EBPL: variants seen among roughly 807,000 people sequenced by gnomAD.
EBPL encodes the protein EBP like, also known as emopamil-binding protein-like.
Under a neutral mutation model 19.0 loss-of-function variants are expected in EBPL, and 20 were observed. The observed-to-expected ratio is 1.05, with a 90% CI of 0.74 to 1.53. EBPL has a LOEUF of 1.53. EBPL is among the 40% of genes most tolerant of loss of function. The pLI is 0.00. For synonymous variants in EBPL, 107 were observed against 117.0 expected (o/e 0.91, Z 0.55); for missense variants, 219 against 261.1 (o/e 0.84, Z 1.11).
chr13:49,675,892 A>G (rs1208226465), intron 1 of EBPL, among the ~76,000 whole-genome samples: 3 of 121,532 alleles, frequency 2.5e-5, no homozygotes, highest in African/African-American at 8.3e-5. Flanking sequence ...TTTTTTTTTT[A>G]ATAGTACTCA....
At chr13:49,663,730 G>T (rs898736375) in intron 2 of EBPL, among the ~76,000 whole-genome samples, 2 of 151,404 alleles carry the variant, frequency 1.3e-5, no homozygotes, top group African/African-American at 4.9e-5. Context: ...GAGGTCAGGA[G>T]ATCGAGACCA....
intron 1 of EBPL, among the ~76,000 whole-genome samples, chr13:49,677,131 T>G (rs1300276989): frequency 6.6e-6 from 1 of 152,220 alleles, no homozygotes; most frequent in Non-Finnish European, 1.5e-5. Flanking sequence ...ATGAGGACAC[T>G]GCCCTTGTGT....
intron 2 of EBPL, among the ~76,000 whole-genome samples, chr13:49,664,388 G>A (rs913712203): frequency 1.3e-5 from 2 of 152,124 alleles, no homozygotes; most frequent in African/African-American, 4.8e-5. Context: ...ACAGGGACAG[G>A]GAACTCACAA....
chr13:49,683,455 CG>C (rs1377702130), intron 1 of EBPL, among the ~76,000 whole-genome samples: 1 of 151,592 alleles, frequency 6.6e-6, no homozygotes, highest in Admixed American at 6.6e-5. Flanking sequence ...GGTGTGAACC[CG>C]GGAGGCGGAG....
At chr13:49,663,467 C>G (rs1485086464) in intron 2 of EBPL, among the ~76,000 whole-genome samples, 2 of 152,162 alleles carry the variant, frequency 1.3e-5, no homozygotes, top group African/African-American at 4.8e-5. Context: ...CAGCCCCACC[C>G]TCTTCAACAT....
At chr13:49,680,840 AAAAC>A (rs1953934780) in intron 1 of EBPL, among the ~76,000 whole-genome samples, 2 of 152,230 alleles carry the variant, frequency 1.3e-5, no homozygotes, top group African/African-American at 4.8e-5. Context: ...AACAAAATAC[AAAAC>A]AAACAAAAAA....
intron 1 of EBPL, among the ~76,000 whole-genome samples, chr13:49,690,129 A>G (rs919633080): frequency 6.6e-6 from 1 of 150,802 alleles, no homozygotes; most frequent in East Asian, 1.9e-4. Flanking sequence ...CAGCCTGGGC[A>G]ACAGTGTTAG....
At chr13:49,669,033 C>T (rs1469311996) in intron 2 of EBPL, among the ~76,000 whole-genome samples, 2 of 151,884 alleles carry the variant, frequency 1.3e-5, no homozygotes, top group Non-Finnish European at 2.9e-5. Flanking sequence ...GGGCCCGCCA[C>T]CACGCCCAGC....
intron 3 of EBPL, among the ~76,000 whole-genome samples, chr13:49,662,694 G>A (rs1485505182): frequency 1.3e-5 from 2 of 151,360 alleles, no homozygotes; most frequent in African/African-American, 2.4e-5. Context: ...GTGCAGTGGC[G>A]TGATCATGGC....
chr13:49,680,237 A>G (rs1953927374), intron 1 of EBPL, among the ~76,000 whole-genome samples: 2 of 152,200 alleles, frequency 1.3e-5, no homozygotes, highest in South Asian at 4.1e-4. Context: ...GAGGTCTTCG[A>G]GGACTCCTGT....
chr13:49,662,934 C>T lies in EBPL; in HGVS notation c.380+123G>A, dbSNP rs1204188291. 6.0e-6 allele frequency: 8 copies of T among 1,326,940 alleles called. No homozygotes were observed. In the African/African-American group the frequency reaches 1.2e-4, roughly 20 times the overall value. The allele number at this position is 1,326,940 out of a possible 1,614,324, so 82.2% of individuals were successfully genotyped here. A position where few individuals can be genotyped will look rare whatever the true frequency, so the allele number is the denominator to read the frequency against. ...TACAGGTGGGAGCCACCGCGCCCAGCCTCTATTCTTCCACCTTTTATCTAA... is the reference window on the plus strand; with the variant it reads ...TACAGGTGGGAGCCACCGCGCCCAGTCTCTATTCTTCCACCTTTTATCTAA... On this transcript the variant is annotated intron_variant, in intron 3 of 3. Coordinates refer to ENST00000242827, the MANE Select transcript of EBPL (RefSeq NM_032565.5).
At position 49,685,968 on chromosome 13, in the gene EBPL, G is replaced by A. The variant is rs139228882; in HGVS notation, c.171+5286C>T. On this transcript the variant is annotated intron_variant, in intron 1 of 3. Transcript: ENST00000242827. ...GAGAAGGGTAATGCCCAGCTTCAGA[G>A]AGGGCGTGGCACAGCCACTGGGCCT... Among the ~76,000 whole-genome samples, 971 of 152,244 alleles carry A rather than the reference G, an allele frequency of 6.4e-3. 9 individuals carry two copies. The highest frequency in any genetic ancestry group is 0.011 in the Non-Finnish European group (733 of 68,014).
chr13:49,673,902 C>T lies in EBPL; in HGVS notation c.172-4056G>A, dbSNP rs113976466. ...TTGTTAGTGCTGGAACTATTCAATA[C>T]CTGGGCTGTTGTGGTTGATATATGA... On this transcript the variant is annotated intron_variant, in intron 1 of 3. Coordinates refer to ENST00000242827, the MANE Select transcript of EBPL (RefSeq NM_032565.5). Among the ~76,000 whole-genome samples the T allele has an allele frequency of 6.0e-3, 901 of 150,470 alleles. 4 individuals carry two copies. The highest frequency in any genetic ancestry group is 0.024 in the Middle Eastern group (7 of 294).
intron 1 of EBPL, among the ~76,000 whole-genome samples, chr13:49,686,284 C>T (rs1467676483): frequency 1.3e-5 from 2 of 152,154 alleles, no homozygotes; most frequent in Non-Finnish European, 2.9e-5. Context: ...GAACCAAGAG[C>T]CCCCAGCCTG....
In EBPL at chr13:49,661,101, A is replaced by G. The variant is rs1285516920; in HGVS notation, c.488T>C (p.Leu163Pro). The change falls in exon 4 of 4, where the codon CTG becomes CCG. Residue 163 changes from leucine to proline, a missense_variant. This residue lies in a region of EBPL where 49 missense variants were observed against 94.1 expected (regional missense o/e 0.52). Transcript: ENST00000242827. ...RSPNLNTSNW[L>P]YCWLYLFFFN... ...AAAAAACAGGTAAAGCCAACAGTAC[A>G]GCCAGTTGCTGGTGTTGAGGTTGGG... 6.2e-7 allele frequency: 1 copy of G among 1,614,196 alleles called. No homozygotes were observed. Among genetic ancestry groups the G allele is most frequent in the Admixed American group, 1.7e-5 (1 of 60,022 alleles).
At chr13:49,690,477 G>T (rs1391962213) in intron 1 of EBPL, among the ~76,000 whole-genome samples, 1 of 62,500 alleles carries the variant, frequency 1.6e-5, no homozygotes, top group Non-Finnish European at 4.3e-5. Context: ...TTAAAAGTGT[G>T]TGTGTGTGTG....
Position 49,660,713 on chromosome 13 carries a change from G to A in EBPL, c.*255C>T, listed in dbSNP as rs1383017607. ...GTTTTACTAATGTGGAACAATTAAT[G>A]CCAGCCATAAAATGTATAATTAAAC... On this transcript the variant is annotated 3_prime_UTR_variant, in exon 4 of 4. Transcript: ENST00000242827. 2.7e-6 allele frequency: 1 copy of A among 366,184 alleles called. No individual in the cohort carries two copies. The highest frequency in any genetic ancestry group is 2.1e-5 in the African/African-American group (1 of 47,764). 22.7% of individuals were successfully genotyped at this position (366,184 alleles called of 1,614,324 possible). A position where few individuals can be genotyped will look rare whatever the true frequency, so the allele number is the denominator to read the frequency against.
chr13:49,669,625 G>T, intron 2 of EBPL, 152 bp downstream of exon 2: 1 of 535,194 alleles, frequency 1.9e-6, no homozygotes, highest in Non-Finnish European at 3.2e-6. Context: ...TCATTCCCAC[G>T]CAACCAGTAA....
In EBPL at chr13:49,691,451, C is replaced by T. The variant is rs773477697; in HGVS notation, c.-27G>A. The T allele has an allele frequency of 1.8e-5, 23 of 1,310,440 alleles. No individual in the cohort carries two copies. In the Admixed American group the frequency reaches 2.5e-4, roughly 14 times the overall value. The allele number at this position is 1,310,440 out of a possible 1,614,324, so 81.2% of individuals were successfully genotyped here. ...CTTCAGGCTTCCGACGCCAACGGCC[C>T]AGGACCATGCGGCAGAGGAAAGCAG... is the stretch of plus-strand genomic sequence containing the variant. On this transcript the variant is annotated 5_prime_UTR_variant, in exon 1 of 4. Transcript: ENST00000242827.
Sources: gnomAD v4.1 joint callset for allele counts (sites outside exome capture counted in the v4.1 genomes callset) on GRCh38, gnomAD v4.1.1 for gene constraint, gnomAD v4.1.1 regional missense constraint, MANE v1.5 for transcripts, NCBI Gene and HGNC (gene_info 2026-07-23, HGNC 2026-07-21) for gene names.